Variants in SLCO4A1 observed in about 807,000 individuals in gnomAD.
SLCO4A1 encodes solute carrier organic anion transporter family member 4A1.
In SLCO4A1, 51 loss-of-function variants were observed where a neutral mutation model predicts 64.6. That is an observed-to-expected ratio of 0.79 (90% CI 0.63 to 1.00). SLCO4A1 has a LOEUF of 1.00. Ranked by LOEUF, SLCO4A1 falls within the 50% of genes least tolerant of loss-of-function variation. The pLI, the probability that SLCO4A1 is intolerant of heterozygous loss-of-function variation, is 0.00. For missense variants in SLCO4A1, 919 were observed against 980.5 expected (o/e 0.94, Z 0.84); for synonymous variants, 471 against 444.9 (o/e 1.06, Z -0.74).
chr20:62,644,247 G>A lies in SLCO4A1; in HGVS notation c.-97+1694G>A, dbSNP rs554960972. Reference sequence around the variant, plus strand: ...GAGGCCGGCCACTCGGTGAGACCTGGACGCTGACCACAGCCAGGCTGCCCT... The same window carrying A: ...GAGGCCGGCCACTCGGTGAGACCTGAACGCTGACCACAGCCAGGCTGCCCT... On this transcript the variant is annotated intron_variant, in intron 1 of 11. Transcript: ENST00000217159. This position sits in a 1 kb window ranked among gnomAD's most constrained non-coding sequence, Gnocchi z 5.4. Among the ~76,000 whole-genome samples, 36 of 152,380 alleles carry A rather than the reference G, an allele frequency of 2.4e-4. No homozygotes were observed. Among genetic ancestry groups the A allele is most frequent in the African/African-American group, 8.7e-4 (36 of 41,590 alleles).
At chr20:62,681,403 T>C (rs868093302) in intron 2 of SLCO4A1, among the ~76,000 whole-genome samples, 1 of 152,126 alleles carries the variant, frequency 6.6e-6, no homozygotes, top group South Asian at 2.1e-4. Flanking sequence ...CCGTGTCACT[T>C]GTGTGCGTGT....
chr20:62,665,125 T>C (rs778933345), intron 6 of SLCO4A1, 37 bp downstream of exon 6: 1 of 1,579,556 alleles, frequency 6.3e-7, no homozygotes. Context: ...TCTGCTTTTA[T>C]GTCAGTTCTC....
At chr20:62,674,358 AG>A (rs113554481), downstream of SLCO4A1, among the ~76,000 whole-genome samples, 174 of 152,242 alleles carry the variant, frequency 1.1e-3, no homozygotes, top group African/African-American at 3.9e-3. Flanking sequence ...GAGATTGGTC[AG>A]GGGAGCTCAT....
rs1569135385 is a variant in SLCO4A1 at position 62,661,156 on chromosome 20, AC to A, written c.1104del (p.Ile369SerfsTer12). The A allele has an allele frequency of 1.2e-6, 2 of 1,612,530 alleles. No homozygotes were observed. The highest frequency in any genetic ancestry group is 1.7e-4 in the Middle Eastern group (1 of 6,060). ...GEASNPDFGK[T>X]IRDLPLSIWL... is the part of the protein sequence containing the mutation. ...GGCGAGCAACCCGGACTTTGGGAAA[AC>A]CATCAGAGACCTGCCTCTGTAAGGA... On this transcript the variant is annotated frameshift_variant, in exon 5 of 12. Coordinates refer to ENST00000217159, the MANE Select transcript of SLCO4A1 (RefSeq NM_016354.4). LOFTEE classifies it high-confidence loss of function. This position sits in a 1 kb window ranked among gnomAD's most constrained non-coding sequence, Gnocchi z 5.2.
chr20:62,658,566 G>T, intron 2 of SLCO4A1, 111 bp from the exon 3 acceptor site: 1 of 795,428 alleles, frequency 1.3e-6, no homozygotes, highest in South Asian at 1.6e-5. Flanking sequence ...GGAGTGGGCC[G>T]GAGATGCAGA....
chr20:62,678,990 A>G (rs948719011), intron 2 of SLCO4A1, among the ~76,000 whole-genome samples: 1 of 152,206 alleles, frequency 6.6e-6, no homozygotes, highest in African/African-American at 2.4e-5. Context: ...AGGCCGAGGC[A>G]GGCAGATCAC....
intron 2 of SLCO4A1, among the ~76,000 whole-genome samples, chr20:62,680,420 G>C (rs546505582): frequency 4.1e-4 from 62 of 152,304 alleles, no homozygotes; most frequent in Non-Finnish European, 7.1e-4. Context: ...GTGAGAGAAG[G>C]CATCCTTTAC....
chr20:62,653,878 C>CG (rs985178372), intron 1 of SLCO4A1, among the ~76,000 whole-genome samples: 2 of 143,414 alleles, frequency 1.4e-5, no homozygotes, highest in African/African-American at 2.6e-5. Context: ...CATCACACCC[C>CG]GGGGCCTGCC....
Position 62,656,374 on chromosome 20 carries a change from C to T in SLCO4A1, c.-81C>T, listed in dbSNP as rs913010801. The T allele has an allele frequency of 6.5e-6, 8 of 1,240,038 alleles. No individual in the cohort carries two copies. In the African/African-American group the frequency reaches 7.6e-5, roughly 12 times the overall value. 76.8% of individuals were successfully genotyped at this position (1,240,038 alleles called of 1,614,324 possible). On this transcript the variant is annotated 5_prime_UTR_variant, in exon 2 of 12. Coordinates refer to ENST00000217159, the MANE Select transcript of SLCO4A1 (RefSeq NM_016354.4). ...CTTCTCACAGGACACACCAGCCCCT[C>T]GGATACCACTTGGCCACTCCCGCTG...
intron 1 of SLCO4A1, among the ~76,000 whole-genome samples, chr20:62,653,058 C>G (rs552386850): frequency 6.6e-6 from 1 of 152,312 alleles, no homozygotes; most frequent in Non-Finnish European, 1.5e-5. Context: ...TGGGACGGTG[C>G]CTGGTACACA....
intron 6 of SLCO4A1, among the ~76,000 whole-genome samples, chr20:62,666,176 G>T (rs1451367198): frequency 3.9e-5 from 4 of 103,182 alleles, no homozygotes; most frequent in African/African-American, 1.4e-4. Flanking sequence ...CCCCGCTGTG[G>T]GCTCTGGACA....
intron 9 of SLCO4A1, 107 bp from the exon 10 acceptor site, chr20:62,668,370 G>A: frequency 1.1e-5 from 15 of 1,311,174 alleles, no homozygotes; most frequent in Middle Eastern, 1.9e-4. Flanking sequence ...ACTTGGGGGG[G>A]GGTGATGATG....
At chr20:62,683,110 T>G (rs1987910349) in intron 2 of SLCO4A1, among the ~76,000 whole-genome samples, 1 of 152,258 alleles carries the variant, frequency 6.6e-6, no homozygotes, top group African/African-American at 2.4e-5. Flanking sequence ...TGCACTTAGA[T>G]TGATTTTAAT....
intron 1 of SLCO4A1, among the ~76,000 whole-genome samples, chr20:62,643,952 C>T (rs1980861954): frequency 6.6e-6 from 1 of 152,220 alleles, no homozygotes; most frequent in African/African-American, 2.4e-5. Flanking sequence ...CTCTAGGCCA[C>T]ACAGCTTGTA....
chr20:62,678,736 AG>A (rs60350851), intron 2 of SLCO4A1, among the ~76,000 whole-genome samples: 30,175 of 151,960 alleles, frequency 0.2, 3,467 homozygotes, highest in African/African-American at 0.32. Flanking sequence ...CAGCCGTGAG[AG>A]GGGGGCACTG....
intron 11 of SLCO4A1, among the ~76,000 whole-genome samples, chr20:62,669,669 C>A (rs1311818217): frequency 6.6e-6 from 1 of 152,166 alleles, no homozygotes; most frequent in Non-Finnish European, 1.5e-5. Context: ...AAGCACAAAG[C>A]CTTCTAAATA....
chr20:62,662,850 C>T (rs1290320759), intron 5 of SLCO4A1, among the ~76,000 whole-genome samples: 3 of 11,278 alleles, frequency 2.7e-4, no homozygotes, highest in Admixed American at 1.7e-3. Context: ...CCCCACACGC[C>T]GGGACCCCCC....
chr20:62,668,873 C>A, intron 10 of SLCO4A1, 57 bp from the exon 11 acceptor site: 1 of 1,554,088 alleles, frequency 6.4e-7, no homozygotes, highest in South Asian at 1.1e-5. Flanking sequence ...GCTGCCTGCC[C>A]CCTGCCTAGC....
At chr20:62,665,259 C>A in intron 6 of SLCO4A1, 171 bp downstream of exon 6, 1 of 674,134 alleles carries the variant, frequency 1.5e-6, no homozygotes, top group Non-Finnish European at 2.4e-6. Context: ...GCGACTCTGT[C>A]CACAGGCCGG....
Sources: gnomAD v4.1 joint callset for allele counts (sites outside exome capture counted in the v4.1 genomes callset) on GRCh38, gnomAD v4.1.1 for gene constraint, Gnocchi (gnomAD v3.1) non-coding constraint, MANE v1.5 for transcripts, NCBI Gene and HGNC (gene_info 2026-07-23, HGNC 2026-07-21) for gene names.